NELFB: variants seen among roughly 807,000 people sequenced by gnomAD.
NELFB encodes the protein negative elongation factor B.
A neutral mutation model predicts 60.2 loss-of-function variants in NELFB; 34 were observed. That is an observed-to-expected ratio of 0.56 (90% CI 0.43 to 0.75). The LOEUF is 0.75. Among genes scored for constraint, NELFB ranks in the 30% least tolerant of loss-of-function variants. The pLI is 0.00. For missense variants in NELFB, 770 were observed against 831.6 expected (o/e 0.93, Z 0.91); for synonymous variants, 459 against 382.1 (o/e 1.20, Z -2.35).
chr9:137,258,261 C>G (rs536568165), intron 4 of NELFB, among the ~76,000 whole-genome samples: 3 of 151,174 alleles, frequency 2.0e-5, no homozygotes, highest in Non-Finnish European at 4.4e-5. Context: ...GCAGCTGGGA[C>G]CACCGGTGTG....
At chr9:137,271,001 C>A (rs1352177947) in intron 10 of NELFB, among the ~76,000 whole-genome samples, 1 of 152,292 alleles carries the variant, frequency 6.6e-6, no homozygotes, top group Non-Finnish European at 1.5e-5. Flanking sequence ...TGCCGACTGA[C>A]TGCCTGACAG....
At position 137,272,425 on chromosome 9, in the gene NELFB, G is replaced by A. The variant is rs1208479528; in HGVS notation, c.1632-82G>A. 3.4e-6 allele frequency: 5 copies of A among 1,480,122 alleles called. No individual in the cohort carries two copies. In the African/African-American group the frequency reaches 4.2e-5, roughly 12 times the overall value. The allele number at this position is 1,480,122 out of a possible 1,614,324, so 91.7% of individuals were successfully genotyped here. On this transcript the variant is annotated intron_variant, in intron 11 of 12. Coordinates refer to ENST00000343053, the MANE Select transcript of NELFB (RefSeq NM_015456.5). ...GGCTGGCCATGTCCTGTCTCCAGGG[G>A]CCTTGGCCACCTGCATCTGGGCTGG...
chr9:137,266,936 C>T lies in NELFB; in HGVS notation c.1240-8C>T. 1.9e-6 allele frequency: 3 copies of T among 1,612,808 alleles called. No individual in the cohort carries two copies. Among genetic ancestry groups the T allele is most frequent in the Non-Finnish European group, 2.5e-6 (3 of 1,179,854 alleles). On this transcript the variant is annotated splice_region_variant and splice_polypyrimidine_tract_variant and intron_variant, in intron 8 of 12. Transcript: ENST00000343053. ...CCCGCGCCCGCTCATGGCCTCCCCT[C>T]CTCGTAGGAGGTAGAGCTCATCACC...
intron 4 of NELFB, 126 bp downstream of exon 4, chr9:137,257,180 G>GT: frequency 1.3e-6 from 1 of 794,148 alleles, no homozygotes; most frequent in Middle Eastern, 3.3e-4. Context: ...TTCTTGGCTG[G>GT]GTGGTGGGGG....
intron 4 of NELFB, among the ~76,000 whole-genome samples, chr9:137,257,398 G>A (rs1386768790): frequency 2.0e-5 from 3 of 151,956 alleles, no homozygotes; most frequent in Non-Finnish European, 4.4e-5. Context: ...GTGTGATCTC[G>A]GCTCACTGCA....
chr9:137,267,129 G>A (rs1830529588), intron 9 of NELFB, 43 bp downstream of exon 9: 1 of 1,613,056 alleles, frequency 6.2e-7, no homozygotes, highest in South Asian at 1.1e-5. Flanking sequence ...CCGTGGCGCA[G>A]GGATGGCACT....
At chr9:137,257,104 G>A (rs756811398) in intron 4 of NELFB, 50 bp downstream of exon 4, 12 of 1,507,790 alleles carry the variant, frequency 8.0e-6, no homozygotes, top group South Asian at 1.2e-5. Context: ...GGGATGCCAC[G>A]GCTAGCGCCT....
At chr9:137,272,760 C>T (rs1344570209) in intron 12 of NELFB, 22 bp from the exon 13 acceptor site, 1 of 1,532,958 alleles carries the variant, frequency 6.5e-7, no homozygotes, top group African/African-American at 1.4e-5. Context: ...CCTCGCCTGC[C>T]CCATGGTGTG....
rs983322998 is a variant in NELFB at position 137,269,458 on chromosome 9, A to AAT, written c.1489+2113_1489+2114dup. Among the ~76,000 whole-genome samples the AAT allele has an allele frequency of 3.9e-5, 6 of 152,192 alleles. No homozygotes were observed. Among genetic ancestry groups the AAT allele is most frequent in the African/African-American group, 1.4e-4 (6 of 41,436 alleles). The stretch of plus-strand genomic sequence containing the variant: ...CGGGAACATAGTTATAAATAACTTT[A>AAT]ATTTGCCTTGGCCTGCCCACTGCAG... On this transcript the variant is annotated intron_variant, in intron 10 of 12. Transcript: ENST00000343053. The surrounding 1 kb of genome is among the most constrained non-coding windows in gnomAD (Gnocchi z 5.3).
At chr9:137,271,754 C>T (rs1243623349) in intron 10 of NELFB, among the ~76,000 whole-genome samples, 2 of 152,030 alleles carry the variant, frequency 1.3e-5, no homozygotes, top group African/African-American at 4.8e-5. Flanking sequence ...TTTTCTGTCT[C>T]CTTCTTCCTC....
rs1189255330 is a variant in NELFB, at chr9:137,268,030, C to T, written c.1489+684C>T. On this transcript the variant is annotated intron_variant, in intron 10 of 12. Transcript: ENST00000343053. Reference sequence around the variant, plus strand: ...GCCCACTTCCTCCTGGGGGCCTTGACGGGGGAGGGGTTGTTGCAAGCCAGG... The same window carrying T: ...GCCCACTTCCTCCTGGGGGCCTTGATGGGGGAGGGGTTGTTGCAAGCCAGG... 4.6e-5 allele frequency among the ~76,000 whole-genome samples: 7 copies of T among 152,160 alleles called. No individual in the cohort carries two copies. The East Asian group carries it at 7.7e-4, about 17-fold the overall frequency.
intron 4 of NELFB, among the ~76,000 whole-genome samples, chr9:137,262,034 CAG>C (rs1406589088): frequency 6.6e-6 from 1 of 152,070 alleles, no homozygotes; most frequent in Non-Finnish European, 1.5e-5. Flanking sequence ...TTCTGCGTAT[CAG>C]AGACTTTTAG....
intron 4 of NELFB, among the ~76,000 whole-genome samples, chr9:137,261,852 G>A (rs767598012): frequency 6.6e-6 from 1 of 151,760 alleles, no homozygotes; most frequent in African/African-American, 2.4e-5. Context: ...GTCAGGCTGC[G>A]CTGATATTTA....
Position 137,256,886 on chromosome 9 carries a change from G to A in NELFB, c.573G>A (p.Val191=). 4.3e-6 allele frequency: 7 copies of A among 1,614,226 alleles called. No homozygotes were observed. The highest frequency in any genetic ancestry group is 1.1e-5 in the South Asian group (1 of 91,090). Residue 191 remains valine (V), a synonymous_variant, in exon 4 of 13, where the codon GTG becomes GTA. Coordinates refer to ENST00000343053, the MANE Select transcript of NELFB (RefSeq NM_015456.5). ...AGGAGCTGTATCGAGCCTGCGCCGT[G>A]GAGGTGAAGCGGCAGATCTGGCAAG...
intron 10 of NELFB, among the ~76,000 whole-genome samples, chr9:137,267,644 C>G (rs1830537598): frequency 6.6e-6 from 1 of 152,052 alleles, no homozygotes; most frequent in African/African-American, 2.4e-5. Flanking sequence ...CAGGCGCGTG[C>G]CACCGTGCCA....
chr9:137,262,622 TATACTG>T (rs1564443357), intron 4 of NELFB, among the ~76,000 whole-genome samples: 2 of 152,266 alleles, frequency 1.3e-5, no homozygotes, highest in Admixed American at 6.5e-5. Flanking sequence ...CATATTTTGT[TATACTG>T]GAACAGCTCG....
At position 137,272,941 on chromosome 9, in the gene NELFB, CCTG is replaced by C; in HGVS notation, c.*16_*18del. The C allele has an allele frequency of 6.7e-7, 1 of 1,501,292 alleles. No individual in the cohort carries two copies. The highest frequency in any genetic ancestry group is 8.9e-7 in the Non-Finnish European group (1 of 1,120,926). 93.0% of individuals were successfully genotyped at this position (1,501,292 alleles called of 1,614,324 possible). On this transcript the variant is annotated 3_prime_UTR_variant, in exon 13 of 13. Coordinates refer to ENST00000343053, the MANE Select transcript of NELFB (RefSeq NM_015456.5). ...TGCCCCGCTCTGAGGGCCCTCCAGA[CCTG>C]CTCGGGTGCTGGGGCCATGCCGAGT...
At chr9:137,265,705 A>G (rs1394330902) in intron 6 of NELFB, among the ~76,000 whole-genome samples, 172 bp from the exon 7 acceptor site, 2 of 152,056 alleles carry the variant, frequency 1.3e-5, no homozygotes, top group Non-Finnish European at 2.9e-5. Context: ...TGCTGGGATG[A>G]CAGGCTGAGC....
chr9:137,272,406 C>A, intron 11 of NELFB, 101 bp from the exon 12 acceptor site: 1 of 1,446,376 alleles, frequency 6.9e-7, no homozygotes, highest in East Asian at 2.4e-5. Context: ...CAAAGGCTGG[C>A]CATGTCCTGT....
Sources: allele counts gnomAD v4.1 joint callset (sites outside exome capture counted in the v4.1 genomes callset), GRCh38; gene constraint gnomAD v4.1.1; non-coding constraint Gnocchi (gnomAD v3.1); transcripts MANE v1.5; gene names NCBI Gene and HGNC (gene_info 2026-07-23, HGNC 2026-07-21).